PCDH11X: variants seen among roughly 807,000 people sequenced by gnomAD.
The protein encoded by PCDH11X is protocadherin 11 X-linked.
In PCDH11X, 18 loss-of-function variants were observed where a neutral mutation model predicts 53.3. The ratio of observed to expected loss-of-function variants is 0.34; its 90% CI spans 0.23 to 0.50. The LOEUF is 0.50. Among genes scored for constraint, PCDH11X ranks in the 20% least tolerant of loss-of-function variants. The probability of loss-of-function intolerance (pLI) is 0.98; values close to 1 mark genes in which losing one functional copy is unlikely to be tolerated. For missense variants in PCDH11X, 570 were observed against 1,032.4 expected (o/e 0.55, Z 6.14); for synonymous variants, 279 against 393.3 (o/e 0.71, Z 3.44).
intron 6 of PCDH11X, among the ~76,000 whole-genome samples, chrX:91,900,299 G>A (rs891654762): frequency 5.4e-5 from 6 of 110,397 alleles, no homozygotes; most frequent in Non-Finnish European, 1.1e-4. Flanking sequence ...GTGTCTCGTG[G>A]TGGCAGCATT....
intron 10 of PCDH11X, among the ~76,000 whole-genome samples, chrX:92,489,260 A>C (rs2073708602): frequency 1.8e-5 from 2 of 109,033 alleles, no homozygotes; most frequent in African/African-American, 6.7e-5. Context: ...CTTTACTCCT[A>C]TGTCCAAAAA....
chrX:92,441,287 G>T (rs915445774), intron 9 of PCDH11X, among the ~76,000 whole-genome samples: 5 of 110,320 alleles, frequency 4.5e-5, no homozygotes, highest in Non-Finnish European at 9.5e-5. Context: ...GCCAGCTGCA[G>T]AAATTTGCAT....
intron 8 of PCDH11X, among the ~76,000 whole-genome samples, chrX:92,342,939 T>C (rs2069800092): frequency 8.9e-6 from 1 of 112,401 alleles, no homozygotes; most frequent in African/African-American, 3.2e-5. Flanking sequence ...GATGATGAAA[T>C]GATTTCTATT....
chrX:91,965,359 T>C (rs2061848886), intron 6 of PCDH11X, among the ~76,000 whole-genome samples: 1 of 110,029 alleles, frequency 9.1e-6, no homozygotes, highest in South Asian at 3.9e-4. Context: ...CACAATGTAT[T>C]ATTTTTGTAT....
chrX:91,984,166 C>G (rs1295618032), intron 6 of PCDH11X, among the ~76,000 whole-genome samples: 1 of 92,185 alleles, frequency 1.1e-5, no homozygotes, highest in Non-Finnish European at 2.1e-5. Context: ...CTAATTTTTA[C>G]TCTACCTTAT....
chrX:91,847,671 A>G (rs1333958600), intron 5 of PCDH11X, among the ~76,000 whole-genome samples: 1 of 111,579 alleles, frequency 9.0e-6, no homozygotes. Flanking sequence ...AGCGACTCTC[A>G]GGCTGACTTG....
chrX:92,126,931 A>G (rs1416821121), intron 6 of PCDH11X, among the ~76,000 whole-genome samples: 2 of 106,796 alleles, frequency 1.9e-5, no homozygotes, highest in African/African-American at 6.7e-5. Flanking sequence ...TAAAAGCATG[A>G]TTTTTATTAA....
chrX:92,332,511 C>A (rs1003301743), intron 8 of PCDH11X, among the ~76,000 whole-genome samples: 5 of 110,919 alleles, frequency 4.5e-5, no homozygotes, highest in African/African-American at 1.7e-4. Flanking sequence ...TAAAGTACCA[C>A]TATCACTACT....
At chrX:92,063,396 G>T (rs1229416004) in intron 6 of PCDH11X, among the ~76,000 whole-genome samples, 2 of 110,172 alleles carry the variant, frequency 1.8e-5, no homozygotes, top group African/African-American at 6.6e-5. Flanking sequence ...TGAGTTTTTA[G>T]CTCTATCTGA....
At chrX:92,077,482 A>C (rs2063789966) in intron 6 of PCDH11X, among the ~76,000 whole-genome samples, 1 of 110,000 alleles carries the variant, frequency 9.1e-6, no homozygotes, top group African/African-American at 3.3e-5. Flanking sequence ...ATTTCATGCT[A>C]CTTCCAACAA....
At position 92,582,348 on chromosome X, in the gene PCDH11X, C is replaced by T. The variant is rs113657207; in HGVS notation, c.3368-35916C>T. 7.8e-3 allele frequency among the ~76,000 whole-genome samples: 853 copies of T among 109,471 alleles called. 9 individuals carry two copies. Among genetic ancestry groups the T allele is most frequent in the Admixed American group, 0.03 (312 of 10,233 alleles). On this transcript the variant is annotated intron_variant, in intron 10 of 10. Transcript: ENST00000682573. ...ATGCACAGGCTAGGGACTTGGTTCT[C>T]TGTGTCCCAGCTGCTCTAGCCATCG... is the stretch of plus-strand genomic sequence containing the variant.
intron 6 of PCDH11X, among the ~76,000 whole-genome samples, chrX:92,180,872 T>TG (rs1394496893): frequency 2.7e-5 from 3 of 110,838 alleles, no homozygotes; most frequent in Admixed American, 9.7e-5. Flanking sequence ...TTTTTTTTTT[T>TG]TTTGTAAATT....
chrX:92,446,832 G>A (rs748262323), intron 9 of PCDH11X, among the ~76,000 whole-genome samples: 1 of 111,453 alleles, frequency 9.0e-6, no homozygotes, highest in African/African-American at 3.3e-5. Context: ...AGGAAAATGT[G>A]GGAAAGTTTG....
intron 7 of PCDH11X, among the ~76,000 whole-genome samples, chrX:92,221,083 A>T (rs1380706662): frequency 2.2e-5 from 2 of 91,746 alleles, no homozygotes; most frequent in Non-Finnish European, 4.4e-5. Flanking sequence ...TAGCATTAGG[A>T]GATATACCTA....
rs184759547 is a variant in PCDH11X at position 92,535,967 on chromosome X, A to G, written c.3367+67645A>G. On this transcript the variant is annotated intron_variant, in intron 10 of 10. Coordinates refer to ENST00000682573, the MANE Select transcript of PCDH11X (RefSeq NM_032968.5). The stretch of plus-strand genomic sequence containing the variant: ...TTTCAACTTGATATTTGGTCATTAA[A>G]AAGTATTTTGTTTTACGGGGTTTGA... Among the ~76,000 whole-genome samples the G allele has an allele frequency of 4.7e-3, 504 of 107,358 alleles. 4 individuals are homozygous for G. In the South Asian group the frequency reaches 0.064, roughly 14 times the overall value. 93.2% of individuals were successfully genotyped at this position (107,358 alleles called of 115,157 possible). A position where few individuals can be genotyped will look rare whatever the true frequency, so the allele number is the denominator to read the frequency against.
chrX:91,924,223 C>T (rs1237304302), intron 6 of PCDH11X, among the ~76,000 whole-genome samples: 2 of 108,581 alleles, frequency 1.8e-5, no homozygotes, highest in South Asian at 4.2e-4. Flanking sequence ...TCAATTTAAT[C>T]ACAAGTCTCC....
intron 8 of PCDH11X, among the ~76,000 whole-genome samples, chrX:92,264,291 T>C (rs1371932787): frequency 8.9e-6 from 1 of 111,770 alleles, no homozygotes; most frequent in African/African-American, 3.3e-5. Flanking sequence ...TAAATCAATA[T>C]ATCTTTCGGA....
intron 6 of PCDH11X, among the ~76,000 whole-genome samples, chrX:92,018,359 T>C (rs2062830646): frequency 8.9e-6 from 1 of 112,292 alleles, no homozygotes. Flanking sequence ...TAAATAGATA[T>C]AATTAATGTA....
intron 10 of PCDH11X, among the ~76,000 whole-genome samples, chrX:92,557,816 G>A (rs2075068927): frequency 9.1e-6 from 1 of 110,136 alleles, no homozygotes. Context: ...TATTCTCACA[G>A]TGACATGAAA....
Sources: gnomAD v4.1 joint callset for allele counts (sites outside exome capture counted in the v4.1 genomes callset) on GRCh38, gnomAD v4.1.1 for gene constraint, MANE v1.5 for transcripts, NCBI Gene and HGNC (gene_info 2026-07-23, HGNC 2026-07-21) for gene names.